The following D2HGDH variants were observed in gnomAD, a reference collection of about 807,000 sequenced individuals.
D2HGDH encodes the protein D-2-hydroxyglutarate dehydrogenase.
In D2HGDH, 31 loss-of-function variants were observed where a neutral mutation model predicts 46.9. The ratio of observed to expected loss-of-function variants is 0.66; its 90% CI spans 0.50 to 0.89. The LOEUF (loss-of-function observed/expected upper bound fraction) is 0.89, where lower values mean the gene tolerates loss of function less well. D2HGDH is among the 40% of genes least tolerant of loss of function. The pLI, the probability that D2HGDH is intolerant of heterozygous loss-of-function variation, is 0.00. For synonymous variants in D2HGDH, 364 were observed against 332.6 expected (o/e 1.09, Z -1.03); for missense variants, 698 against 720.8 (o/e 0.97, Z 0.36).
At position 241,750,305 on chromosome 2, in the gene D2HGDH, C is replaced by T. The variant is rs529526867; in HGVS notation, c.997+11C>T. On this transcript the variant is annotated intron_variant, in intron 7 of 9. Transcript: ENST00000321264. Reference sequence around the variant, plus strand: ...CCAGCCCGGTGCAAGGTACTGACCCCCCACACAGGGGGCAGCTGGTCCTGC... The same window carrying T: ...CCAGCCCGGTGCAAGGTACTGACCCTCCACACAGGGGGCAGCTGGTCCTGC... 76 of 1,611,466 alleles carry T rather than the reference C, an allele frequency of 4.7e-5. No homozygotes were observed. The highest frequency in any genetic ancestry group is 6.2e-5 in the Non-Finnish European group (73 of 1,179,920).
intron 9 of D2HGDH, among the ~76,000 whole-genome samples, chr2:241,761,178 T>C (rs1408403294): frequency 1.3e-5 from 2 of 152,150 alleles, no homozygotes; most frequent in African/African-American, 4.8e-5. Flanking sequence ...GACGATGTAG[T>C]ATAACAGTGA....
intron 8 of D2HGDH, among the ~76,000 whole-genome samples, chr2:241,753,998 A>G (rs1697746075): frequency 6.6e-6 from 1 of 152,200 alleles, no homozygotes; most frequent in Admixed American, 6.5e-5. Context: ...GGGTCATTTC[A>G]GCAAAGACGG....
intron 2 of D2HGDH, chr2:241,736,141 A>T (rs888650641): frequency 1.3e-5 from 2 of 152,652 alleles, no homozygotes; most frequent in African/African-American, 4.8e-5. Flanking sequence ...GTTCAAGACC[A>T]GCCTGGGCAA....
intron 8 of D2HGDH, chr2:241,755,085 A>G (rs1697945168): frequency 7.7e-7 from 1 of 1,303,772 alleles, no homozygotes. Context: ...AAGCCACGCA[A>G]ACCACAGGCC....
Position 241,735,446 on chromosome 2 carries a change from G to T in D2HGDH, c.222G>T (p.Val74=). 1 of 1,609,706 alleles carries T rather than the reference G, an allele frequency of 6.2e-7. No homozygotes were observed. The part of the protein sequence containing the change: ...KQDLAAFERI[V]PGGVVTDPEA... ...ACCTGGCCGCCTTTGAGCGCATCGT[G>T]CCCGGCGGGGTCGTCACGGACCCGG... Residue 74 remains valine (V), a synonymous_variant, in exon 2 of 10, where the codon GTG becomes GTT. Coordinates refer to ENST00000321264, the MANE Select transcript of D2HGDH (RefSeq NM_152783.5).
chr2:241,755,114 G>A (rs1395539393), intron 8 of D2HGDH: 2 of 1,304,048 alleles, frequency 1.5e-6, no homozygotes, highest in Non-Finnish European at 2.0e-6. Context: ...TGAGCCCTAG[G>A]ATTTGGCCCG....
chr2:241,746,067 T>C (rs1016973186), intron 6 of D2HGDH, among the ~76,000 whole-genome samples: 1 of 152,232 alleles, frequency 6.6e-6, no homozygotes, highest in Admixed American at 6.5e-5. Context: ...TTACTGAATT[T>C]CTTAAACCTG....
chr2:241,744,697 C>G lies in D2HGDH; in HGVS notation c.685-12C>G, dbSNP rs767312116. On this transcript the variant is annotated splice_polypyrimidine_tract_variant and intron_variant, in intron 5 of 9. Coordinates refer to ENST00000321264, the MANE Select transcript of D2HGDH (RefSeq NM_152783.5). The stretch of plus-strand genomic sequence containing the variant: ...CTGGCAGGTGGGTGAACGTGCTTCT[C>G]TTTGCCCCAAGGTGCTGGCCGACGG... 3.7e-6 allele frequency: 6 copies of G among 1,614,104 alleles called. No individual in the cohort carries two copies. Among genetic ancestry groups the G allele is most frequent in the Non-Finnish European group, 4.2e-6 (5 of 1,180,044 alleles).
chr2:241,749,899 TCTC>T (rs1196161624), intron 6 of D2HGDH: 4 of 555,856 alleles, frequency 7.2e-6, no homozygotes, highest in East Asian at 6.6e-5. Flanking sequence ...GCGTGCACCT[TCTC>T]CTGATCTGAT....
intron 8 of D2HGDH, among the ~76,000 whole-genome samples, chr2:241,753,554 C>T (rs775513340): frequency 7.9e-5 from 12 of 152,214 alleles, no homozygotes; most frequent in African/African-American, 1.7e-4. Flanking sequence ...GGTTTTTGGA[C>T]ATGTTGAGAC....
intron 2 of D2HGDH, among the ~76,000 whole-genome samples, chr2:241,739,276 T>C (rs866689832): frequency 6.6e-6 from 1 of 152,214 alleles, no homozygotes; most frequent in South Asian, 2.1e-4. Flanking sequence ...TACTCATGTT[T>C]GTGTTGAGAA....
At position 241,767,938 on chromosome 2, in the gene D2HGDH, A is replaced by G. The variant is rs797045508; in HGVS notation, c.1535A>G (p.Asn512Ser). 2.6e-5 allele frequency: 41 copies of G among 1,597,362 alleles called. No homozygotes were observed. Among genetic ancestry groups the G allele is most frequent in the Non-Finnish European group, 3.5e-5 (41 of 1,174,068 alleles). Residue 512 changes from asparagine to serine, a missense_variant, in exon 10 of 10, where the codon AAC becomes AGC. Coordinates refer to ENST00000321264, the MANE Select transcript of D2HGDH (RefSeq NM_152783.5). ...KALLDPKGIL[N>S]PYKTLPSQA ...CTGCTGGACCCCAAGGGCATCCTCA[A>G]CCCCTACAAGACGCTGCCCAGCCAG...
chr2:241,762,902 G>A (rs1057016064), intron 9 of D2HGDH, among the ~76,000 whole-genome samples: 1 of 152,194 alleles, frequency 6.6e-6, no homozygotes, highest in Admixed American at 6.5e-5. Context: ...GGTGTTTGTG[G>A]GTCTGATTCT....
chr2:241,760,856 G>A (rs1432732092), intron 9 of D2HGDH, among the ~76,000 whole-genome samples: 1 of 152,258 alleles, frequency 6.6e-6, no homozygotes. Context: ...AGCTCCCTCA[G>A]TCACATGAGT....
intron 6 of D2HGDH, among the ~76,000 whole-genome samples, chr2:241,747,256 T>C (rs1053814761): frequency 6.6e-6 from 1 of 152,190 alleles, no homozygotes; most frequent in African/African-American, 2.4e-5. Flanking sequence ...GTCTGTTGTT[T>C]CTGCTGGTTC....
chr2:241,758,769 ATG>A (rs558559121), intron 9 of D2HGDH, among the ~76,000 whole-genome samples: 1,534 of 131,910 alleles, frequency 0.012, 18 homozygotes, highest in African/African-American at 0.03. Flanking sequence ...CCCACAATAT[ATG>A]TGTGTGTGTG....
intron 6 of D2HGDH, chr2:241,749,006 C>T: frequency 2.6e-6 from 3 of 1,160,532 alleles, no homozygotes; most frequent in Non-Finnish European, 3.2e-6. Context: ...TGGAACAGGC[C>T]CTGTGAGGAT....
chr2:241,737,623 G>A (rs1693287675), intron 2 of D2HGDH, among the ~76,000 whole-genome samples: 1 of 152,184 alleles, frequency 6.6e-6, no homozygotes, highest in Admixed American at 6.5e-5. Flanking sequence ...CTGAGTAGCT[G>A]GGACTACAGC....
chr2:241,765,008 G>A (rs1319506191), intron 9 of D2HGDH, among the ~76,000 whole-genome samples: 3 of 152,218 alleles, frequency 2.0e-5, no homozygotes, highest in Admixed American at 6.5e-5. Flanking sequence ...GGCTCAGTGT[G>A]GGCTAAGTGG....
Sources: gnomAD v4.1 joint callset for allele counts (sites outside exome capture counted in the v4.1 genomes callset) on GRCh38, gnomAD v4.1.1 for gene constraint, MANE v1.5 for transcripts, NCBI Gene and HGNC (gene_info 2026-07-23, HGNC 2026-07-21) for gene names.